Variants in CHST10 observed in about 807,000 individuals in gnomAD.
CHST10 encodes carbohydrate sulfotransferase 10, also known as HNK-1 sulfotransferase.
In CHST10, 24 loss-of-function variants were observed where a neutral mutation model predicts 34.7. The observed-to-expected ratio is 0.69, with a 90% confidence interval of 0.50 to 0.97. The LOEUF is 0.97. Among genes scored for constraint, CHST10 ranks in the 50% least tolerant of loss-of-function variants. The pLI, the probability that CHST10 is intolerant of heterozygous loss-of-function variation, is 0.00. For synonymous variants in CHST10, 161 were observed against 169.3 expected (o/e 0.95, Z 0.38); for missense variants, 402 against 452.1 (o/e 0.89, Z 1.00).
At chr2:100,397,851 C>T in intron 5 of CHST10, 57 bp downstream of exon 5, 1 of 1,430,720 alleles carries the variant, frequency 7.0e-7, no homozygotes, top group Non-Finnish European at 9.7e-7. Flanking sequence ...TCCCCAGCCT[C>T]CTCAGCACCG....
intron 4 of CHST10, 112 bp from the exon 5 acceptor site, chr2:100,398,254 C>G: frequency 1.4e-6 from 1 of 725,412 alleles, no homozygotes; most frequent in Non-Finnish European, 2.3e-6. Context: ...GGAGCCTTCT[C>G]TTCTTCCCTT....
Position 100,395,523 on chromosome 2 carries a change from T to C in CHST10, c.519A>G (p.Ala173=), listed in dbSNP as rs1290954035. ...GLPRLSSFSD[A]EIQKRLKTYF... ...GCTGTTCTCACCGCTTCTGAATTTC[T>C]GCATCACTGAAGGAAGAGAGCCGAG... Residue 173 remains alanine, a synonymous_variant, in exon 6 of 7, where the codon GCA becomes GCG. Transcript: ENST00000264249. 5 of 1,613,618 alleles carry C rather than the reference T, an allele frequency of 3.1e-6. No homozygotes were observed. The East Asian group carries it at 6.7e-5, about 22-fold the overall frequency.
Position 100,392,380 on chromosome 2 carries a change from T to C in CHST10, c.*865A>G, listed in dbSNP as rs1488329253. The C allele has an allele frequency of 2.0e-5, 3 of 152,242 alleles. No individual in the cohort carries two copies. Among genetic ancestry groups the C allele is most frequent in the Non-Finnish European group, 4.4e-5 (3 of 68,090 alleles). 9.4% of individuals were successfully genotyped at this position (152,242 alleles called of 1,614,324 possible). On this transcript the variant is annotated 3_prime_UTR_variant, in exon 7 of 7. Transcript: ENST00000264249. ...CTGCTGTCCACCCAGGTAAGGCAAG[T>C]CAGAACTGATGCGCCGGGATCCACA...
intron 3 of CHST10, among the ~76,000 whole-genome samples, chr2:100,403,103 C>A (rs1021864520): frequency 6.6e-6 from 1 of 152,154 alleles, no homozygotes; most frequent in East Asian, 1.9e-4. Flanking sequence ...ATTAAAAAAC[C>A]AACCAATCTA....
chr2:100,410,982 T>C (rs1040118386), intron 2 of CHST10, among the ~76,000 whole-genome samples: 7 of 152,144 alleles, frequency 4.6e-5, no homozygotes, highest in African/African-American at 1.4e-4. Flanking sequence ...ATGTGTGAAA[T>C]ATATATGATT....
chr2:100,402,641 G>C lies in CHST10; in HGVS notation c.115C>G (p.Gln39Glu), dbSNP rs1675397052. The change falls in exon 4 of 7, where the codon CAG (glutamine) becomes GAG (glutamate). Residue 39 changes from glutamine to glutamate, a missense_variant. Gln to Glu is a conservative substitution (Grantham distance 29). Coordinates refer to ENST00000264249, the MANE Select transcript of CHST10 (RefSeq NM_004854.5). ...ATGGTTGTCAGGAACAGAAACTCCT[G>C]TTTGGCACTGTACACTGGAAGACAG... ...FKDPDVYSAK[Q>E]EFLFLTTMPE... The C allele has an allele frequency of 2.5e-6, 4 of 1,613,920 alleles. No individual in the cohort carries two copies. The South Asian group carries it at 4.4e-5, about 18-fold the overall frequency.
In CHST10 at chr2:100,393,134, G is replaced by T; in HGVS notation, c.*111C>A. On this transcript the variant is annotated 3_prime_UTR_variant, in exon 7 of 7. Transcript: ENST00000264249. ...AACTCACAGGCCTGTGGGAGACCCCGGGCGTCCTCAAAGGAGGGGTGTGGT... is the reference window on the plus strand; with the variant it reads ...AACTCACAGGCCTGTGGGAGACCCCTGGCGTCCTCAAAGGAGGGGTGTGGT... The T allele has an allele frequency of 8.5e-7, 1 of 1,176,802 alleles. No individual in the cohort carries two copies. Among genetic ancestry groups the T allele is most frequent in the Non-Finnish European group, 1.2e-6 (1 of 821,802 alleles). 72.9% of individuals were successfully genotyped at this position (1,176,802 alleles called of 1,614,324 possible).
chr2:100,410,002 G>C (rs573841695), intron 2 of CHST10, among the ~76,000 whole-genome samples: 74 of 152,232 alleles, frequency 4.9e-4, no homozygotes, highest in Middle Eastern at 3.4e-3. Context: ...ACTCCAGTGG[G>C]GGATGTGGAT....
intron 2 of CHST10, among the ~76,000 whole-genome samples, chr2:100,408,832 G>A (rs1031190700): frequency 6.6e-6 from 1 of 151,684 alleles, no homozygotes; most frequent in Non-Finnish European, 1.5e-5. Flanking sequence ...CATCCTCATG[G>A]GTCACAGTGA....
At chr2:100,405,305 G>C (rs570486591) in intron 3 of CHST10, among the ~76,000 whole-genome samples, 6 of 152,324 alleles carry the variant, frequency 3.9e-5, no homozygotes, top group African/African-American at 1.2e-4. Context: ...AGACCTCACA[G>C]GTTTCTCTCC....
chr2:100,410,234 C>T (rs553961967), intron 2 of CHST10, among the ~76,000 whole-genome samples: 1 of 152,342 alleles, frequency 6.6e-6, no homozygotes, highest in South Asian at 2.1e-4. Context: ...GCTTCTTGTA[C>T]ACTCGGGGTA....
intron 2 of CHST10, among the ~76,000 whole-genome samples, chr2:100,414,118 C>T (rs1299955683): frequency 2.6e-5 from 4 of 152,108 alleles, no homozygotes; most frequent in Admixed American, 1.3e-4. Flanking sequence ...TGAGAAAAGG[C>T]AGGACAGATT....
At chr2:100,405,339 G>A (rs1675522895) in intron 3 of CHST10, among the ~76,000 whole-genome samples, 1 of 152,212 alleles carries the variant, frequency 6.6e-6, no homozygotes, top group Non-Finnish European at 1.5e-5. Flanking sequence ...GATGAGGCAG[G>A]ACATGTGATG....
Position 100,417,378 on chromosome 2 carries a change from C to T in CHST10, c.-108G>A, listed in dbSNP as rs532656447. 1 of 317,484 alleles carries T rather than the reference C, an allele frequency of 3.1e-6. No homozygotes were observed. Among genetic ancestry groups the T allele is most frequent in the African/African-American group, 2.2e-5 (1 of 46,018 alleles). 19.7% of individuals were successfully genotyped at this position (317,484 alleles called of 1,614,324 possible). ...CCTGCGCGTCCCCGAGCTCACCCTA[C>T]TGGAGCGGCGCTCGTCCGGGTCCTT... On this transcript the variant is annotated 5_prime_UTR_variant, in exon 1 of 7. Coordinates refer to ENST00000264249, the MANE Select transcript of CHST10 (RefSeq NM_004854.5).
At chr2:100,400,171 A>G (rs920152279) in intron 4 of CHST10, among the ~76,000 whole-genome samples, 12 of 152,268 alleles carry the variant, frequency 7.9e-5, no homozygotes, top group African/African-American at 2.4e-4. Context: ...CTGCACTTTT[A>G]GATACTGCTT....
At chr2:100,401,292 A>G (rs942428852) in intron 4 of CHST10, among the ~76,000 whole-genome samples, 2 of 152,212 alleles carry the variant, frequency 1.3e-5, no homozygotes, top group Non-Finnish European at 2.9e-5. Flanking sequence ...GAATAAAAAT[A>G]TACCTCAGAG....
At chr2:100,405,872 C>T (rs1675549668) in intron 3 of CHST10, among the ~76,000 whole-genome samples, 1 of 152,182 alleles carries the variant, frequency 6.6e-6, no homozygotes. Flanking sequence ...CCTCTTTGGA[C>T]ATATCCAGCA....
At chr2:100,395,211 T>G (rs1425730868) in intron 6 of CHST10, among the ~76,000 whole-genome samples, 1 of 152,168 alleles carries the variant, frequency 6.6e-6, no homozygotes, top group African/African-American at 2.4e-5. Context: ...CAGCAAGCAA[T>G]CTATAAAACT....
chr2:100,394,602 C>T (rs1179485119), intron 6 of CHST10, among the ~76,000 whole-genome samples: 1 of 152,196 alleles, frequency 6.6e-6, no homozygotes, highest in Non-Finnish European at 1.5e-5. Context: ...AGGCAAAATC[C>T]AGCTGGTGAC....
Sources: gnomAD v4.1 joint callset for allele counts (sites outside exome capture counted in the v4.1 genomes callset) on GRCh38, gnomAD v4.1.1 for gene constraint, MANE v1.5 for transcripts, NCBI Gene and HGNC (gene_info 2026-07-23, HGNC 2026-07-21) for gene names.